The following TAB2 variants were observed in gnomAD, a reference collection of about 807,000 sequenced individuals.
TAB2 encodes TGF-beta-activated kinase 1 and MAP3K7-binding protein 2.
A neutral mutation model predicts 65.0 loss-of-function variants in TAB2; 3 were observed. The observed-to-expected ratio is 0.05, with a 90% CI of 0.02 to 0.12. The LOEUF is 0.12. Among genes scored for constraint, TAB2 ranks in the 10% least tolerant of loss-of-function variants. The pLI, the probability that TAB2 is intolerant of heterozygous loss-of-function variation, is 1.00. For synonymous variants in TAB2, 298 were observed against 285.1 expected, an observed-to-expected ratio of 1.05 and a Z score of -0.46; for missense variants, 623 against 840.3, an observed-to-expected ratio of 0.74 and a Z score of 3.20.
At chr6:149,328,073 C>A (rs1002948122) in intron 1 of TAB2, among the ~76,000 whole-genome samples, 4 of 152,156 alleles carry the variant, frequency 2.6e-5, no homozygotes, top group Non-Finnish European at 5.9e-5. Flanking sequence ...GAAGTTAGTT[C>A]ATTACCTAGT....
intron 1 of TAB2, among the ~76,000 whole-genome samples, chr6:149,306,557 CAA>C (rs58001933): frequency 0.48 from 51,549 of 108,206 alleles, 11,439 homozygotes; most frequent in African/African-American, 0.67. Flanking sequence ...GACTCCGTCT[CAA>C]AAAAAAAAAA....
chr6:149,314,406 T>C (rs974583813), upstream of TAB2, among the ~76,000 whole-genome samples: 2 of 152,220 alleles, frequency 1.3e-5, no homozygotes, highest in Non-Finnish European at 2.9e-5. Flanking sequence ...CTCCCTCCTC[T>C]ACCTACCTTC....
intron 1 of TAB2, among the ~76,000 whole-genome samples, chr6:149,222,291 G>C (rs1777164594): frequency 6.6e-6 from 1 of 152,084 alleles, no homozygotes; most frequent in Non-Finnish European, 1.5e-5. Flanking sequence ...GGACTCTTCA[G>C]CCTCCATAAT....
chr6:149,238,747 G>A (rs1406172602), intron 1 of TAB2, among the ~76,000 whole-genome samples: 1 of 152,194 alleles, frequency 6.6e-6, no homozygotes, highest in Non-Finnish European at 1.5e-5. Context: ...AGGCTGCTCG[G>A]GGCATATTCT....
In TAB2 at chr6:149,378,887, C is replaced by A; in HGVS notation, c.972C>A (p.Asn324Lys). The part of the protein sequence containing the change: ...IQNISTGPRK[N>K]QIEIKLEPPQ... ...ATATTTCAACAGGACCTCGAAAAAA[C>A]CAGATTGAAATCAAACTTGAACCCC... The change falls in exon 3 of 7, where the codon AAC becomes AAA. Residue 324 changes from asparagine to lysine, a missense_variant. Transcript: ENST00000637181. 3 of 1,614,120 alleles carry A rather than the reference C, an allele frequency of 1.9e-6. No homozygotes were observed. The highest frequency in any genetic ancestry group is 1.7e-6 in the Non-Finnish European group (2 of 1,180,026).
intron 1 of TAB2, among the ~76,000 whole-genome samples, chr6:149,320,053 A>C (rs1264102710): frequency 1.3e-5 from 2 of 152,066 alleles, no homozygotes; most frequent in African/African-American, 4.8e-5. Flanking sequence ...ACTGGGAAAC[A>C]ATTTTTTTTT....
chr6:149,366,126 G>T (rs1249299123), intron 1 of TAB2, among the ~76,000 whole-genome samples: 2 of 151,972 alleles, frequency 1.3e-5, no homozygotes, highest in Non-Finnish European at 2.9e-5. Context: ...GTATGGGTCA[G>T]TTTTTTTCTG....
intron 1 of TAB2, among the ~76,000 whole-genome samples, chr6:149,249,835 A>G (rs1777823560): frequency 6.6e-6 from 1 of 152,220 alleles, no homozygotes; most frequent in African/African-American, 2.4e-5. Context: ...AAACCAGTTC[A>G]AGAGATGGAT....
At position 149,220,460 on chromosome 6, in the gene TAB2, C is replaced by T. The variant is rs545277644; in HGVS notation, c.-121+1684C>T. 6.9e-4 allele frequency among the ~76,000 whole-genome samples: 105 copies of T among 152,314 alleles called. 3 individuals are homozygous for T. The highest frequency in any genetic ancestry group is 7.2e-4 in the Admixed American group (11 of 15,294). ...ACACCATGCGTTGGTCATTTGGAAG[C>T]TCACTGAGCTATTCAGATCTTCCAA... On this transcript the variant is annotated intron_variant, in intron 1 of 1. Transcript: ENST00000606202.
intron 1 of TAB2, among the ~76,000 whole-genome samples, chr6:149,339,604 T>TTTG (rs1491369397): frequency 8.2e-5 from 5 of 61,064 alleles, no homozygotes; most frequent in African/African-American, 2.1e-4. Flanking sequence ...TTTATTTATT[T>TTTG]ATTTTTTTTT....
At chr6:149,251,992 AT>A (rs1445536049) in intron 1 of TAB2, among the ~76,000 whole-genome samples, 13 of 96,236 alleles carry the variant, frequency 1.4e-4, no homozygotes, top group Admixed American at 1.1e-3. Context: ...ACAAAAAAAT[AT>A]ATAAGGAATA....
intron 1 of TAB2, among the ~76,000 whole-genome samples, chr6:149,342,997 A>T (rs566893144): frequency 5.6e-4 from 85 of 152,278 alleles, no homozygotes; most frequent in African/African-American, 2.0e-3. Flanking sequence ...AGTTTAACAT[A>T]CCTTTTGCCT....
At chr6:149,228,412 C>T (rs1455350809) in intron 1 of TAB2, among the ~76,000 whole-genome samples, 2 of 152,146 alleles carry the variant, frequency 1.3e-5, no homozygotes, top group Non-Finnish European at 2.9e-5. Context: ...TCAGAACCCT[C>T]GGCCACCAGG....
intron 1 of TAB2, among the ~76,000 whole-genome samples, chr6:149,295,348 CGTTTTGTTTT>C (rs917519534): frequency 6.6e-6 from 1 of 151,928 alleles, no homozygotes; most frequent in Admixed American, 6.6e-5. Flanking sequence ...TTTGGTTTTT[CGTTTTGTTTT>C]GTTTTGTTTA....
intron 1 of TAB2, among the ~76,000 whole-genome samples, chr6:149,354,820 T>C (rs962263888): frequency 5.9e-5 from 9 of 152,214 alleles, no homozygotes; most frequent in African/African-American, 2.2e-4. Context: ...ATTATACTTT[T>C]GTGAATGACC....
intron 6 of TAB2, among the ~76,000 whole-genome samples, chr6:149,403,243 A>ATATAT (rs1289811809): frequency 2.0e-5 from 1 of 48,924 alleles, no homozygotes; most frequent in African/African-American, 1.0e-4. Context: ...CTAAAAAAAA[A>ATATAT]AAAAATATAT....
At chr6:149,255,425 T>A (rs1416811520) in intron 1 of TAB2, 1 of 152,216 alleles carries the variant, frequency 6.6e-6, no homozygotes, top group Non-Finnish European at 1.5e-5. Context: ...GGAGTGTGTA[T>A]GTGTGTTTCT....
intron 1 of TAB2, among the ~76,000 whole-genome samples, chr6:149,259,513 T>G (rs1425704410): frequency 6.6e-6 from 1 of 152,194 alleles, no homozygotes; most frequent in Non-Finnish European, 1.5e-5. Flanking sequence ...CCACATCACC[T>G]AATTTAAATA....
intron 1 of TAB2, among the ~76,000 whole-genome samples, chr6:149,360,946 T>C (rs1216780437): frequency 6.6e-6 from 1 of 152,112 alleles, no homozygotes; most frequent in African/African-American, 2.4e-5. Flanking sequence ...TCCAAAATAA[T>C]CTCCTTTGAC....
Sources: allele counts gnomAD v4.1 joint callset (sites outside exome capture counted in the v4.1 genomes callset), GRCh38; gene constraint gnomAD v4.1.1; transcripts MANE v1.5; gene names NCBI Gene and HGNC (gene_info 2026-07-23, HGNC 2026-07-21).